Variants in CCDC192 observed in about 807,000 individuals in gnomAD.
CCDC192 encodes coiled-coil domain containing 192.
intron 5 of CCDC192, among the ~76,000 whole-genome samples, chr5:127,860,840 T>A (rs967069770): frequency 9.9e-5 from 15 of 152,150 alleles, no homozygotes; most frequent in Admixed American, 2.6e-4. Flanking sequence ...CCCATAAGAC[T>A]TTTTCCCCCA....
intron 6 of CCDC192, among the ~76,000 whole-genome samples, chr5:127,905,204 A>T (rs1753162578): frequency 6.6e-6 from 1 of 152,176 alleles, no homozygotes; most frequent in African/African-American, 2.4e-5. Context: ...GATGAGTTAG[A>T]ATAAGGGCTA....
intron 6 of CCDC192, among the ~76,000 whole-genome samples, chr5:127,919,405 T>G (rs1023420374): frequency 2.0e-5 from 3 of 148,460 alleles, no homozygotes; most frequent in African/African-American, 7.8e-5. Flanking sequence ...CAATATTTAT[T>G]AATTAAGAAA....
chr5:127,853,859 A>G (rs1334022059), intron 5 of CCDC192, among the ~76,000 whole-genome samples: 3 of 152,122 alleles, frequency 2.0e-5, no homozygotes, highest in African/African-American at 4.8e-5. Context: ...CCTCAGCCCC[A>G]TAGTCCTTCT....
At chr5:127,876,692 A>G (rs1375049475) in intron 6 of CCDC192, among the ~76,000 whole-genome samples, 3 of 152,158 alleles carry the variant, frequency 2.0e-5, no homozygotes, top group African/African-American at 7.2e-5. Context: ...TTTATTACTC[A>G]TGAGTAATTG....
At chr5:127,784,882 G>A (rs1756448321) in intron 3 of CCDC192, 1 of 450,230 alleles carries the variant, frequency 2.2e-6, no homozygotes, top group Non-Finnish European at 4.4e-6. Flanking sequence ...CAGTTTCATG[G>A]GCACATTGAT....
intron 6 of CCDC192, among the ~76,000 whole-genome samples, chr5:127,931,001 G>C (rs1561556400): frequency 1.3e-5 from 2 of 152,214 alleles, no homozygotes; most frequent in Non-Finnish European, 2.9e-5. Flanking sequence ...CTGTGATACT[G>C]TTCTTATCAG....
chr5:127,896,841 A>G (rs1439829565), intron 6 of CCDC192, among the ~76,000 whole-genome samples: 1 of 152,240 alleles, frequency 6.6e-6, no homozygotes, highest in Non-Finnish European at 1.5e-5. Context: ...GACCAATCCC[A>G]TAAATATAAT....
chr5:127,761,682 A>G lies in CCDC192; in HGVS notation c.222+7307A>G, dbSNP rs371417683. On this transcript the variant is annotated intron_variant, in intron 3 of 6. Transcript: ENST00000514853. ...GTTTTCTCTTCAAGATGGCATTTTC[A>G]AAGAAACGGGAGGATTTTAATAGTT... 4.6e-5 allele frequency among the ~76,000 whole-genome samples: 7 copies of G among 152,328 alleles called. No individual in the cohort carries two copies. The East Asian group carries it at 1.3e-3, about 29-fold the overall frequency.
At chr5:127,745,000 AT>A in intron 2 of CCDC192, among the ~76,000 whole-genome samples, 3 of 152,180 alleles carry the variant, frequency 2.0e-5, no homozygotes, top group Non-Finnish European at 4.4e-5. Flanking sequence ...CATGAAAAGT[AT>A]TGCTCAAAGA....
At chr5:127,848,449 C>T (rs1249960085) in intron 5 of CCDC192, among the ~76,000 whole-genome samples, 2 of 152,134 alleles carry the variant, frequency 1.3e-5, no homozygotes, top group Non-Finnish European at 2.9e-5. Context: ...TACTTCTAGC[C>T]TTCATATTTT....
At chr5:127,879,982 T>C (rs1426811818) in intron 6 of CCDC192, among the ~76,000 whole-genome samples, 21 of 149,574 alleles carry the variant, frequency 1.4e-4, no homozygotes, top group Admixed American at 2.7e-4. Flanking sequence ...ACATTTACAC[T>C]GTTGGTGGGA....
At chr5:127,904,646 C>T (rs774115977) in intron 6 of CCDC192, among the ~76,000 whole-genome samples, 1 of 151,830 alleles carries the variant, frequency 6.6e-6, no homozygotes. Flanking sequence ...GGATTACTGG[C>T]GCTTGCCACC....
intron 6 of CCDC192, among the ~76,000 whole-genome samples, chr5:127,900,007 T>A (rs977686078): frequency 5.3e-5 from 8 of 152,174 alleles, no homozygotes; most frequent in African/African-American, 1.9e-4. Flanking sequence ...GTGTTTAGCA[T>A]CATGTGTAGA....
intron 6 of CCDC192, among the ~76,000 whole-genome samples, chr5:127,884,025 G>C (rs1039798282): frequency 6.6e-6 from 1 of 152,056 alleles, no homozygotes; most frequent in African/African-American, 2.4e-5. Context: ...ACAGTCTATA[G>C]TGAACATTTG....
At chr5:127,913,232 C>T (rs956233764) in intron 6 of CCDC192, among the ~76,000 whole-genome samples, 2 of 152,184 alleles carry the variant, frequency 1.3e-5, no homozygotes, top group African/African-American at 2.4e-5. Flanking sequence ...GCTCCAGGAA[C>T]ACAATAAGAA....
chr5:127,718,379 T>C (rs1365542891), intron 2 of CCDC192, among the ~76,000 whole-genome samples: 1 of 152,194 alleles, frequency 6.6e-6, no homozygotes, highest in East Asian at 1.9e-4. Flanking sequence ...CATCTGAGTG[T>C]CTCCAGATTT....
At chr5:127,785,184 A>G (rs753567744) in intron 3 of CCDC192, 10 of 528,598 alleles carry the variant, frequency 1.9e-5, no homozygotes, top group Admixed American at 9.8e-5. Context: ...ATTCTCCTTT[A>G]GACAACTGAT....
At chr5:127,718,915 C>CT (rs1751798836) in intron 2 of CCDC192, among the ~76,000 whole-genome samples, 1 of 152,054 alleles carries the variant, frequency 6.6e-6, no homozygotes, top group South Asian at 2.1e-4. Flanking sequence ...TCCAATTATA[C>CT]TCTTTTAGTT....
intron 6 of CCDC192, among the ~76,000 whole-genome samples, chr5:127,896,680 A>G (rs1752897688): frequency 6.6e-6 from 1 of 152,158 alleles, no homozygotes; most frequent in South Asian, 2.1e-4. Flanking sequence ...TCCTGACCTC[A>G]GATGATCCAC....
Sources: gnomAD v4.1 joint callset for allele counts (sites outside exome capture counted in the v4.1 genomes callset) on GRCh38, gnomAD v4.1.1 for gene constraint, MANE v1.5 for transcripts, NCBI Gene and HGNC (gene_info 2026-07-23, HGNC 2026-07-21) for gene names.